The following IMMP2L variants were observed in gnomAD, a reference collection of about 807,000 sequenced individuals.
IMMP2L encodes the protein inner mitochondrial membrane peptidase subunit 2.
IMMP2L carries 18 observed loss-of-function variants against 19.3 expected under a neutral mutation model. The ratio of observed to expected loss-of-function variants is 0.93; its 90% CI spans 0.64 to 1.38. The LOEUF is 1.38. Among genes scored for constraint, IMMP2L ranks in the 40% most tolerant of loss-of-function variants. The pLI, the probability that IMMP2L is intolerant of heterozygous loss-of-function variation, is 0.00. For synonymous variants in IMMP2L, 76 were observed against 73.0 expected (o/e 1.04, Z -0.21); for missense variants, 233 against 218.2 (o/e 1.07, Z -0.43).
chr7:111,270,696 G>A (rs1416029547), intron 3 of IMMP2L, among the ~76,000 whole-genome samples: 1 of 152,138 alleles, frequency 6.6e-6, no homozygotes, highest in African/African-American at 2.4e-5. Flanking sequence ...TCTACATGAT[G>A]CCTATATTTC....
intron 3 of IMMP2L, among the ~76,000 whole-genome samples, chr7:111,292,202 C>T (rs543902679): frequency 4.2e-4 from 64 of 152,294 alleles, no homozygotes; most frequent in African/African-American, 1.5e-3. Context: ...TCAGACTTCA[C>T]TTCTCTAGGC....
At chr7:111,466,907 G>T (rs1043948824) in intron 3 of IMMP2L, among the ~76,000 whole-genome samples, 12 of 152,136 alleles carry the variant, frequency 7.9e-5, no homozygotes, top group African/African-American at 2.9e-4. Context: ...GATGTCCATA[G>T]GTTATATGCA....
intron 5 of IMMP2L, among the ~76,000 whole-genome samples, chr7:110,868,170 G>C (rs992865895): frequency 7.6e-6 from 1 of 130,804 alleles, no homozygotes; most frequent in African/African-American, 2.9e-5. Flanking sequence ...TCAGTGATAC[G>C]GAGAGACAAG....
intron 3 of IMMP2L, among the ~76,000 whole-genome samples, chr7:111,312,419 T>C (rs1238597199): frequency 6.6e-6 from 1 of 152,148 alleles, no homozygotes; most frequent in Non-Finnish European, 1.5e-5. Flanking sequence ...AACTGAAGTT[T>C]GGTTCTTATT....
chr7:110,671,627 C>T (rs1262406466), intron 5 of IMMP2L, among the ~76,000 whole-genome samples: 1 of 152,054 alleles, frequency 6.6e-6, no homozygotes, highest in East Asian at 1.9e-4. Context: ...CTTCATGAGC[C>T]CAGCCTTTCC....
At chr7:110,733,838 C>T (rs1036633417) in intron 5 of IMMP2L, among the ~76,000 whole-genome samples, 6 of 152,080 alleles carry the variant, frequency 3.9e-5, no homozygotes, top group Non-Finnish European at 8.8e-5. Context: ...TTCATCCATT[C>T]CATCATGTGA....
chr7:110,844,395 T>C (rs1403677365), intron 5 of IMMP2L, among the ~76,000 whole-genome samples: 2 of 151,960 alleles, frequency 1.3e-5, no homozygotes, highest in Non-Finnish European at 2.9e-5. Context: ...AGAGAAAATG[T>C]TTCAGACAGC....
chr7:110,667,851 T>A (rs575530858), intron 5 of IMMP2L, among the ~76,000 whole-genome samples: 7 of 152,310 alleles, frequency 4.6e-5, no homozygotes, highest in Non-Finnish European at 8.8e-5. Flanking sequence ...AAACAAAAAG[T>A]ATACAAAGAG....
At chr7:110,825,713 A>G (rs1180040143) in intron 5 of IMMP2L, among the ~76,000 whole-genome samples, 1 of 152,238 alleles carries the variant, frequency 6.6e-6, no homozygotes, top group Non-Finnish European at 1.5e-5. Context: ...CTTAAATGTT[A>G]GACCTAAAAC....
intron 5 of IMMP2L, among the ~76,000 whole-genome samples, chr7:110,781,122 GT>G (rs1562971104): frequency 6.6e-6 from 1 of 151,888 alleles, no homozygotes. Flanking sequence ...AAGGCTTTTA[GT>G]TATACATACT....
intron 3 of IMMP2L, among the ~76,000 whole-genome samples, chr7:111,350,824 G>C (rs1485121133): frequency 3.9e-5 from 6 of 152,042 alleles, no homozygotes; most frequent in Non-Finnish European, 7.4e-5. Context: ...TTGTGTTAGA[G>C]GCCACATTAC....
intron 3 of IMMP2L, among the ~76,000 whole-genome samples, chr7:111,201,532 C>G (rs1323966896): frequency 6.6e-6 from 1 of 151,792 alleles, no homozygotes; most frequent in Admixed American, 6.6e-5. Context: ...CCTGGGCAAT[C>G]TGGTGAAAAC....
intron 3 of IMMP2L, among the ~76,000 whole-genome samples, chr7:111,382,831 T>C (rs1421768461): frequency 1.3e-5 from 2 of 152,196 alleles, no homozygotes; most frequent in East Asian, 1.9e-4. Context: ...GTAAGAACTC[T>C]AGGTTCTGTA....
chr7:111,487,735 G>C (rs573812419), intron 2 of IMMP2L, among the ~76,000 whole-genome samples: 3 of 152,182 alleles, frequency 2.0e-5, no homozygotes, highest in Non-Finnish European at 2.9e-5. Flanking sequence ...CTGGGGAAAA[G>C]AAGAAATAAT....
chr7:110,742,317 T>C (rs568962639), intron 5 of IMMP2L, among the ~76,000 whole-genome samples: 10 of 152,152 alleles, frequency 6.6e-5, no homozygotes, highest in Non-Finnish European at 1.5e-4. Context: ...GTAAGTAAAC[T>C]TCTTAGACTT....
rs936190997 is a variant in IMMP2L, at chr7:111,356,872, C to A, written c.239+130366G>T. Among the ~76,000 whole-genome samples the A allele has an allele frequency of 1.1e-4, 16 of 152,116 alleles. No individual in the cohort carries two copies. In the East Asian group the frequency reaches 1.7e-3, roughly 17 times the overall value. On this transcript the variant is annotated intron_variant, in intron 3 of 5. Transcript: ENST00000405709. ...TGAAACCCTATCTCCACTAAAAATA[C>A]AAAAATTAGCCAGGCGTTGTGGTGG...
intron 5 of IMMP2L, among the ~76,000 whole-genome samples, chr7:110,826,071 C>T (rs1258079047): frequency 6.6e-6 from 1 of 152,118 alleles, no homozygotes; most frequent in Non-Finnish European, 1.5e-5. Context: ...TATGCGCCAA[C>T]AGACACATGA....
At chr7:111,377,084 T>C (rs1011806724) in intron 3 of IMMP2L, among the ~76,000 whole-genome samples, 1 of 151,898 alleles carries the variant, frequency 6.6e-6, no homozygotes, top group Non-Finnish European at 1.5e-5. Context: ...TTAAAATAAA[T>C]ATATGTAATA....
At chr7:111,415,798 C>A (rs976739305) in intron 3 of IMMP2L, among the ~76,000 whole-genome samples, 1 of 151,448 alleles carries the variant, frequency 6.6e-6, no homozygotes, top group Non-Finnish European at 1.5e-5. Context: ...TTTCACATAA[C>A]AACTTAAAAT....
Sources: allele counts gnomAD v4.1 joint callset (sites outside exome capture counted in the v4.1 genomes callset), GRCh38; gene constraint gnomAD v4.1.1; transcripts MANE v1.5; gene names NCBI Gene and HGNC (gene_info 2026-07-23, HGNC 2026-07-21).